Variants in NALF1 observed in about 807,000 individuals in gnomAD.
NALF1 encodes NALCN channel auxiliary factor 1, also known as family with sequence similarity 155 member A.
Under a neutral mutation model 48.4 loss-of-function variants are expected in NALF1, and 3 were observed. The ratio of observed to expected loss-of-function variants is 0.06; its 90% CI spans 0.03 to 0.16. The LOEUF is 0.16. NALF1 is among the 10% of genes least tolerant of loss of function. NALF1 has a pLI of 1.00. For synonymous variants in NALF1, 262 were observed against 245.7 expected, an observed-to-expected ratio of 1.07 and a Z score of -0.62; for missense variants, 526 against 571.5, an observed-to-expected ratio of 0.92 and a Z score of 0.81.
At chr13:107,377,060 T>C (rs886815792) in intron 1 of NALF1, among the ~76,000 whole-genome samples, 16 of 151,968 alleles carry the variant, frequency 1.1e-4, no homozygotes, top group Non-Finnish European at 8.8e-5. Flanking sequence ...TTGTGTAGAG[T>C]AGACAAAAAC....
rs944628081 is a variant in NALF1 at position 107,165,793 on chromosome 13, G to T, written c.*4704C>A. The stretch of plus-strand genomic sequence containing the variant: ...TAGGTTTTTTATAAACATTGTTAAA[G>T]CTTGGAAGATGGAGATTCTGCCTGT... On this transcript the variant is annotated 3_prime_UTR_variant, in exon 3 of 3. Coordinates refer to ENST00000375915, the MANE Select transcript of NALF1 (RefSeq NM_001080396.3). 3 of 152,112 alleles carry T rather than the reference G, an allele frequency of 2.0e-5. No individual in the cohort carries two copies. The highest frequency in any genetic ancestry group is 1.3e-4 in the Admixed American group (2 of 15,264). 9.4% of individuals were successfully genotyped at this position (152,112 alleles called of 1,614,324 possible). A position where few individuals can be genotyped will look rare whatever the true frequency, so the allele number is the denominator to read the frequency against.
chr13:107,403,718 A>C, intron 1 of NALF1, among the ~76,000 whole-genome samples: 1 of 97,794 alleles, frequency 1.0e-5, no homozygotes, highest in African/African-American at 4.3e-5. Context: ...TTTTGCCACA[A>C]ATTTTAAAAA....
chr13:107,649,388 A>G (rs1253476908), intron 1 of NALF1, among the ~76,000 whole-genome samples: 2 of 152,180 alleles, frequency 1.3e-5, no homozygotes, highest in African/African-American at 4.8e-5. Flanking sequence ...TTTCAATGCT[A>G]TGTGATAAAA....
intron 1 of NALF1, among the ~76,000 whole-genome samples, chr13:107,588,136 T>C (rs530876602): frequency 1.3e-5 from 2 of 152,146 alleles, no homozygotes; most frequent in African/African-American, 2.4e-5. Flanking sequence ...TACTCTTTCA[T>C]GGTGACACCA....
chr13:107,493,360 T>C lies in NALF1; in HGVS notation c.916-282605A>G, dbSNP rs75943599. 8.0e-3 allele frequency among the ~76,000 whole-genome samples: 1,218 copies of C among 152,282 alleles called. 18 individuals carry two copies. Among genetic ancestry groups the C allele is most frequent in the African/African-American group, 0.025 (1,055 of 41,568 alleles). Reference sequence around the variant, plus strand: ...CATCGTGTGAACTCCTGGAAGCAGGTAGACCAGGCTCTCTTGGGTGTGCTG... The same window carrying C: ...CATCGTGTGAACTCCTGGAAGCAGGCAGACCAGGCTCTCTTGGGTGTGCTG... On this transcript the variant is annotated intron_variant, in intron 1 of 2. Coordinates refer to ENST00000375915, the MANE Select transcript of NALF1 (RefSeq NM_001080396.3).
rs190586251 is a variant in NALF1, at chr13:107,268,581, T to G, written c.916-57826A>C. 2.0e-5 allele frequency among the ~76,000 whole-genome samples: 3 copies of G among 152,324 alleles called. No individual in the cohort carries two copies. In the East Asian group the frequency reaches 5.8e-4, roughly 29 times the overall value. On this transcript the variant is annotated intron_variant, in intron 1 of 2. Transcript: ENST00000375915. ...GAACCTGGGTAAAGGATGTGTAATATCTCTCTGTATATTGTTACAACTACA... is the reference window on the plus strand; with the variant it reads ...GAACCTGGGTAAAGGATGTGTAATAGCTCTCTGTATATTGTTACAACTACA...
chr13:107,606,060 T>C (rs1043151890), intron 1 of NALF1, among the ~76,000 whole-genome samples: 1 of 152,162 alleles, frequency 6.6e-6, no homozygotes, highest in African/African-American at 2.4e-5. Context: ...CATTTATATA[T>C]ACAGTGCAGG....
intron 1 of NALF1, among the ~76,000 whole-genome samples, chr13:107,851,421 T>C (rs961236225): frequency 1.3e-5 from 2 of 152,278 alleles, no homozygotes; most frequent in East Asian, 3.9e-4. Context: ...CATCACTGTT[T>C]ATTACTTTTC....
chr13:107,808,913 A>G (rs1271634809), intron 1 of NALF1, among the ~76,000 whole-genome samples: 1 of 152,078 alleles, frequency 6.6e-6, no homozygotes, highest in Admixed American at 6.6e-5. Flanking sequence ...CCTGGAAATA[A>G]GTTACTAATA....
chr13:107,179,687 C>A (rs1031506514), intron 2 of NALF1, among the ~76,000 whole-genome samples: 33 of 130,702 alleles, frequency 2.5e-4, no homozygotes, highest in East Asian at 1.1e-3. Context: ...AAAAAAAAAA[C>A]CACAGCAGAA....
chr13:107,657,530 A>C (rs1018742512), intron 1 of NALF1, among the ~76,000 whole-genome samples: 15 of 152,134 alleles, frequency 9.9e-5, no homozygotes, highest in African/African-American at 3.1e-4. Flanking sequence ...AAGAGAAAAG[A>C]AAGTTTACAG....
Position 107,448,024 on chromosome 13 carries a change from GCC to G in NALF1, c.916-237271_916-237270del, listed in dbSNP as rs200986500. 6.5e-3 allele frequency among the ~76,000 whole-genome samples: 988 copies of G among 152,234 alleles called. 28 individuals are homozygous for G. In the East Asian group the frequency reaches 0.098, roughly 15 times the overall value. On this transcript the variant is annotated intron_variant, in intron 1 of 2. Transcript: ENST00000375915. ...AATACAGGGCAACTTTGACCCCTCTGCCTTGTGCCTACATTCTGACAGTTTCT... is the reference window on the plus strand; with the variant it reads ...AATACAGGGCAACTTTGACCCCTCTGTTGTGCCTACATTCTGACAGTTTCT...
At chr13:107,781,743 C>T (rs775511930) in intron 1 of NALF1, among the ~76,000 whole-genome samples, 3 of 151,598 alleles carry the variant, frequency 2.0e-5, no homozygotes, top group Admixed American at 6.6e-5. Flanking sequence ...CACTGCTATA[C>T]GCCTCTAAAA....
At position 107,493,287 on chromosome 13, in the gene NALF1, G is replaced by GA. The variant is rs199812544; in HGVS notation, c.916-282533dup. On this transcript the variant is annotated intron_variant, in intron 1 of 2. Transcript: ENST00000375915. ...CTTTGTACAATAAGAAATAACTCCAGAAAAAAAAATAATGGAAAGTTAAAT... is the reference window on the plus strand; with the variant it reads ...CTTTGTACAATAAGAAATAACTCCAGAAAAAAAAAATAATGGAAAGTTAAAT... 6.7e-3 allele frequency among the ~76,000 whole-genome samples: 1,007 copies of GA among 150,952 alleles called. 35 individuals are homozygous for GA. In the East Asian group the frequency reaches 0.1, roughly 15 times the overall value.
chr13:107,648,313 A>T (rs1299310888), intron 1 of NALF1, among the ~76,000 whole-genome samples: 1 of 152,120 alleles, frequency 6.6e-6, no homozygotes, highest in Non-Finnish European at 1.5e-5. Context: ...CACTGTCATA[A>T]ACATCCTTTG....
intron 1 of NALF1, among the ~76,000 whole-genome samples, chr13:107,460,197 C>T (rs915886422): frequency 6.6e-6 from 1 of 152,240 alleles, no homozygotes; most frequent in African/African-American, 2.4e-5. Flanking sequence ...GGGAGGGTGA[C>T]AAGATGATAA....
intron 1 of NALF1, among the ~76,000 whole-genome samples, chr13:107,270,483 G>A (rs1011655873): frequency 4.6e-5 from 7 of 151,942 alleles, no homozygotes; most frequent in Non-Finnish European, 7.4e-5. Flanking sequence ...AAGAGTGAAC[G>A]AATGATTAAG....
intron 1 of NALF1, among the ~76,000 whole-genome samples, chr13:107,615,810 T>C (rs975172557): frequency 1.3e-5 from 2 of 152,256 alleles, no homozygotes; most frequent in Admixed American, 6.5e-5. Flanking sequence ...TTATCACTTA[T>C]ATCTTCATCG....
rs1881195132 is a variant in NALF1, at chr13:107,272,364, G to A, written c.916-61609C>T. On this transcript the variant is annotated intron_variant, in intron 1 of 2. Transcript: ENST00000375915. ...CGAGTAGCTGGGACTACAGGCGCCCGCCACCACGCCCGGCTAATTTTTTGT... is the reference window on the plus strand; with the variant it reads ...CGAGTAGCTGGGACTACAGGCGCCCACCACCACGCCCGGCTAATTTTTTGT... 3.3e-5 allele frequency among the ~76,000 whole-genome samples: 2 copies of A among 61,258 alleles called. 1 individual carries two copies. Among genetic ancestry groups the A allele is most frequent in the Non-Finnish European group, 7.8e-5 (2 of 25,596 alleles). The allele number at this position is 61,258 out of a possible 152,430, so 40.2% of individuals were successfully genotyped here.
Sources: allele counts gnomAD v4.1 joint callset (sites outside exome capture counted in the v4.1 genomes callset), GRCh38; gene constraint gnomAD v4.1.1; transcripts MANE v1.5; gene names NCBI Gene and HGNC (gene_info 2026-07-23, HGNC 2026-07-21).